Variants in MBD2 observed in about 807,000 individuals in gnomAD.
MBD2 encodes the protein methyl-CpG-binding domain protein 2.
MBD2 carries 9 observed loss-of-function variants against 39.3 expected under a neutral mutation model. That is an observed-to-expected ratio of 0.23 (90% CI 0.14 to 0.40). The LOEUF is 0.40. MBD2 is among the 10% of genes least tolerant of loss of function. The pLI is 1.00. For missense variants in MBD2, 458 were observed against 532.6 expected, an observed-to-expected ratio of 0.86 and a Z score of 1.38; for synonymous variants, 233 against 211.1, an observed-to-expected ratio of 1.10 and a Z score of -0.90.
rs149573598 is a variant in MBD2 at position 54,207,583 on chromosome 18, T to C, written c.543-2426A>G. Among the ~76,000 whole-genome samples, 480 of 152,284 alleles carry C rather than the reference T, an allele frequency of 3.2e-3. 1 individual carries two copies. The highest frequency in any genetic ancestry group is 0.011 in the African/African-American group (455 of 41,554). Reference sequence around the variant, plus strand: ...ATTTGCAGACACAATGGGATAAATATTATTGTTTATTTAAAAGTTATATGG... The same window carrying C: ...ATTTGCAGACACAATGGGATAAATACTATTGTTTATTTAAAAGTTATATGG... On this transcript the variant is annotated intron_variant, in intron 1 of 6. Coordinates refer to ENST00000256429, the MANE Select transcript of MBD2 (RefSeq NM_003927.5).
chr18:54,180,890 A>ATTTTTT (rs1568083459), intron 3 of MBD2, among the ~76,000 whole-genome samples: 3 of 114,566 alleles, frequency 2.6e-5, no homozygotes, highest in African/African-American at 7.4e-5. Context: ...GTATTCCTTA[A>ATTTTTT]TTTTTTCTTT....
intron 6 of MBD2, among the ~76,000 whole-genome samples, chr18:54,156,458 C>A (rs1432892964): frequency 6.6e-6 from 1 of 152,146 alleles, no homozygotes; most frequent in African/African-American, 2.4e-5. Context: ...TGAGAAGTTG[C>A]CAACTTCTGT....
intron 6 of MBD2, among the ~76,000 whole-genome samples, chr18:54,155,948 A>C (rs1235331685): frequency 6.6e-6 from 1 of 152,194 alleles, no homozygotes; most frequent in Non-Finnish European, 1.5e-5. Context: ...AACACAGTAA[A>C]TTGCGGCCTG....
chr18:54,205,332 G>A (rs1380710625), intron 1 of MBD2, among the ~76,000 whole-genome samples, 175 bp from the exon 2 acceptor site: 1 of 152,100 alleles, frequency 6.6e-6, no homozygotes, highest in Non-Finnish European at 1.5e-5. Flanking sequence ...AGCACTCTGG[G>A]AGGCAGAGGC....
At chr18:54,161,580 C>T (rs2086098505) in intron 5 of MBD2, among the ~76,000 whole-genome samples, 1 of 152,194 alleles carries the variant, frequency 6.6e-6, no homozygotes, top group Non-Finnish European at 1.5e-5. Flanking sequence ...GAAAATGGAG[C>T]AAATGGCACC....
At chr18:54,179,126 G>C (rs1308859430) in intron 3 of MBD2, among the ~76,000 whole-genome samples, 1 of 152,138 alleles carries the variant, frequency 6.6e-6, no homozygotes, top group African/African-American at 2.4e-5. Flanking sequence ...GGAGGGCAAG[G>C]CTGCAGTGAG....
chr18:54,187,004 G>A (rs1405378550), intron 3 of MBD2, among the ~76,000 whole-genome samples: 1 of 152,136 alleles, frequency 6.6e-6, no homozygotes, highest in East Asian at 1.9e-4. Context: ...CAACTAGTCT[G>A]GTTATTTCAA....
intron 5 of MBD2, among the ~76,000 whole-genome samples, chr18:54,162,223 G>T (rs1228726800): frequency 1.3e-5 from 2 of 152,190 alleles, no homozygotes; most frequent in Non-Finnish European, 2.9e-5. Context: ...AATGGGTATT[G>T]TTTTAAGCTG....
At chr18:54,201,644 C>T (rs968447608) in intron 2 of MBD2, among the ~76,000 whole-genome samples, 7 of 151,982 alleles carry the variant, frequency 4.6e-5, no homozygotes, top group Admixed American at 2.0e-4. Flanking sequence ...GGGCAGATCA[C>T]GAGGTCAGGA....
At chr18:54,183,866 T>C (rs1370052162) in intron 3 of MBD2, among the ~76,000 whole-genome samples, 1 of 152,062 alleles carries the variant, frequency 6.6e-6, no homozygotes, top group Non-Finnish European at 1.5e-5. Context: ...AAGTGACATA[T>C]TCCACTGGAT....
rs1368366994 is a variant in MBD2, at chr18:54,202,318, ACT to A, written c.702+2678_702+2679del. Among the ~76,000 whole-genome samples, 8 of 152,166 alleles carry A rather than the reference ACT, an allele frequency of 5.3e-5. No homozygotes were observed. The East Asian group carries it at 1.5e-3, about 29-fold the overall frequency. Reference sequence around the variant, plus strand: ...ACTCCAGCCTGGGCGACAGAGCAAGACTCTGTCTCAAAACAAAACAAAACAAA... The same window carrying A: ...ACTCCAGCCTGGGCGACAGAGCAAGACTGTCTCAAAACAAAACAAAACAAA... On this transcript the variant is annotated intron_variant, in intron 2 of 6. Coordinates refer to ENST00000256429, the MANE Select transcript of MBD2 (RefSeq NM_003927.5).
chr18:54,160,647 A>G (rs1435266355), intron 5 of MBD2, among the ~76,000 whole-genome samples: 2 of 151,272 alleles, frequency 1.3e-5, no homozygotes, highest in African/African-American at 4.8e-5. Flanking sequence ...TACCTTTAAA[A>G]AGTAAAAAAA....
intron 5 of MBD2, 53 bp downstream of exon 5, chr18:54,164,470 A>T: frequency 6.5e-7 from 1 of 1,541,464 alleles, no homozygotes; most frequent in Non-Finnish European, 8.9e-7. Flanking sequence ...ACAGTAAAAA[A>T]TTTACCCAAA....
At chr18:54,214,136 CT>C (rs1297222436) in intron 1 of MBD2, among the ~76,000 whole-genome samples, 1 of 150,422 alleles carries the variant, frequency 6.6e-6, no homozygotes, top group Non-Finnish European at 1.5e-5. Context: ...GCAGGGGTTA[CT>C]TTTATAACCC....
chr18:54,162,113 T>A (rs2086102385), intron 5 of MBD2, among the ~76,000 whole-genome samples: 2 of 152,110 alleles, frequency 1.3e-5, no homozygotes, highest in South Asian at 2.1e-4. Flanking sequence ...AACCCCAAGC[T>A]TCAGAAGGGA....
rs2086640741 is a variant in MBD2 at position 54,224,213 on chromosome 18, C to A, written c.347G>T (p.Ser116Ile). The A allele has an allele frequency of 1.8e-6, 2 of 1,135,078 alleles. No homozygotes were observed. Among genetic ancestry groups the A allele is most frequent in the African/African-American group, 1.6e-5 (1 of 60,658 alleles). The allele number at this position is 1,135,078 out of a possible 1,614,324, so 70.3% of individuals were successfully genotyped here. Residue 116 changes from serine (S) to isoleucine (I), a missense_variant, in exon 1 of 7, where the codon AGC becomes ATC. Physicochemically the swap from Ser to Ile is moderately radical, Grantham distance 142. Transcript: ENST00000256429. ...CCGCCGGGGGGCGCCGCCGCCACCG[C>A]TGCCGCCGCCGCCGCAGCCGCCGCC... The part of the protein sequence containing the change: ...GDGGGCGGGG[S>I]GGGGAPRREP...
chr18:54,185,734 TACAG>T (rs1027236717), intron 3 of MBD2, among the ~76,000 whole-genome samples: 11 of 152,126 alleles, frequency 7.2e-5, no homozygotes, highest in Admixed American at 6.5e-5. Flanking sequence ...TCCTCCCCAC[TACAG>T]GGGTCTTTTT....
chr18:54,221,985 C>G (rs1011971713), intron 1 of MBD2, among the ~76,000 whole-genome samples: 1 of 152,158 alleles, frequency 6.6e-6, no homozygotes, highest in African/African-American at 2.4e-5. Context: ...CCCAGGAGAA[C>G]TGCCACAGAG....
At chr18:54,216,280 T>C in intron 1 of MBD2, among the ~76,000 whole-genome samples, 1 of 152,264 alleles carries the variant, frequency 6.6e-6, no homozygotes, top group East Asian at 1.9e-4. Context: ...ATTCAATATT[T>C]GTATACCTGA....
Sources: gnomAD v4.1 joint callset for allele counts (sites outside exome capture counted in the v4.1 genomes callset) on GRCh38, gnomAD v4.1.1 for gene constraint, MANE v1.5 for transcripts, NCBI Gene and HGNC (gene_info 2026-07-23, HGNC 2026-07-21) for gene names.